Variants in PROCR observed in about 807,000 individuals in gnomAD.
PROCR encodes the protein protein C receptor, also known as endothelial protein C receptor.
Under a neutral mutation model 24.2 loss-of-function variants are expected in PROCR, and 22 were observed. That is an observed-to-expected ratio of 0.91 (90% CI 0.65 to 1.30). PROCR has a LOEUF of 1.30. Ranked by LOEUF, PROCR falls within the 50% of genes most tolerant of loss-of-function variation. The pLI is 0.00. For synonymous variants in PROCR, 137 were observed against 139.2 expected (o/e 0.98, Z 0.11); for missense variants, 288 against 307.7 (o/e 0.94, Z 0.48).
intron 1 of PROCR, among the ~76,000 whole-genome samples, chr20:35,213,882 C>G (rs181488287): frequency 5.4e-4 from 82 of 151,570 alleles, no homozygotes; most frequent in African/African-American, 1.9e-3. Flanking sequence ...CGAGACCAGC[C>G]TGCCCAACAT....
At chr20:35,189,828 G>T (rs1338312194) in intron 1 of PROCR, among the ~76,000 whole-genome samples, 1 of 152,108 alleles carries the variant, frequency 6.6e-6, no homozygotes, top group East Asian at 1.9e-4. Flanking sequence ...TGTATCCTTA[G>T]TATCTACAAC....
downstream of PROCR, among the ~76,000 whole-genome samples, chr20:35,178,329 G>A (rs1416584024): frequency 2.7e-5 from 4 of 146,342 alleles, no homozygotes; most frequent in Non-Finnish European, 6.0e-5. Context: ...ACTTGAACCC[G>A]GGAGGCAGAG....
rs183785044 is a variant in PROCR at position 35,203,439 on chromosome 20, T to A, written c.95-12454T>A. Among the ~76,000 whole-genome samples, 408 of 152,174 alleles carry A rather than the reference T, an allele frequency of 2.7e-3. 2 individuals are homozygous for A. The highest frequency in any genetic ancestry group is 9.4e-3 in the African/African-American group (389 of 41,524). On this transcript the variant is annotated intron_variant, in intron 1 of 1. Coordinates refer to the PROCR transcript ENST00000634509. ...TATAATATAGTATAAACATAACTTT[T>A]ATTTATTATTGTTTTTCTTTTTAGA... is the stretch of plus-strand genomic sequence containing the variant.
At chr20:35,180,445 C>T (rs1210605667), downstream of PROCR, among the ~76,000 whole-genome samples, 6 of 152,032 alleles carry the variant, frequency 3.9e-5, no homozygotes, top group Non-Finnish European at 4.4e-5. Flanking sequence ...TATAAAAGTT[C>T]GGTCATTTTG....
chr20:35,202,845 G>T (rs907678941), intron 1 of PROCR: 1 of 152,134 alleles, frequency 6.6e-6, no homozygotes, highest in Non-Finnish European at 1.5e-5. Context: ...TTATCAACTG[G>T]TTTAATATAA....
At chr20:35,215,439 T>G (rs547518541) in intron 1 of PROCR, among the ~76,000 whole-genome samples, 30 of 152,134 alleles carry the variant, frequency 2.0e-4, no homozygotes, top group Non-Finnish European at 2.9e-5. Context: ...TGAAATCCTA[T>G]AGAATGGTGT....
At chr20:35,194,415 A>G (rs2086198929) in intron 1 of PROCR, among the ~76,000 whole-genome samples, 1 of 152,214 alleles carries the variant, frequency 6.6e-6, no homozygotes, top group African/African-American at 2.4e-5. Context: ...GGGATAATCA[A>G]TAGAGAGGGA....
At chr20:35,201,669 C>A (rs781120926) in intron 1 of PROCR, 3 of 144,394 alleles carry the variant, frequency 2.1e-5, no homozygotes, top group Non-Finnish European at 4.5e-5. Flanking sequence ...GCCTGGGCGG[C>A]AGAGCAAGAT....
In PROCR at chr20:35,214,062, G is replaced by A. The variant is rs536372639; in HGVS notation, c.95-1831G>A. On this transcript the variant is annotated intron_variant, in intron 1 of 1. Transcript: ENST00000634509. The stretch of plus-strand genomic sequence containing the variant: ...TGCACTCCAGCCTGGGTAACAGAGC[G>A]TGACTCCATCTCAAAAAAATAAAAT... Among the ~76,000 whole-genome samples, 250 of 151,806 alleles carry A rather than the reference G, an allele frequency of 1.6e-3. 1 individual carries two copies. The highest frequency in any genetic ancestry group is 2.8e-3 in the Non-Finnish European group (190 of 67,974).
chr20:35,176,997 A>G lies in PROCR; in HGVS notation c.*184A>G. Reference sequence around the variant, plus strand: ...GGGAGATGGAGAGGAGAGGTGGACAAAGTACTTGGTTTGCTAAGAACCTAA... The same window carrying G: ...GGGAGATGGAGAGGAGAGGTGGACAGAGTACTTGGTTTGCTAAGAACCTAA... On this transcript the variant is annotated 3_prime_UTR_variant, in exon 4 of 4. Coordinates refer to ENST00000216968, the MANE Select transcript of PROCR (RefSeq NM_006404.5). 1 of 1,448,374 alleles carries G rather than the reference A, an allele frequency of 6.9e-7. No individual in the cohort carries two copies. Among genetic ancestry groups the G allele is most frequent in the East Asian group, 2.7e-5 (1 of 37,724 alleles). 89.7% of individuals were successfully genotyped at this position (1,448,374 alleles called of 1,614,324 possible).
At chr20:35,212,382 TCTGCTG>T (rs1395941341) in intron 1 of PROCR, among the ~76,000 whole-genome samples, 1 of 152,206 alleles carries the variant, frequency 6.6e-6, no homozygotes, top group Non-Finnish European at 1.5e-5. Context: ...GTTTTAATGT[TCTGCTG>T]TCATCATTTT....
downstream of PROCR, among the ~76,000 whole-genome samples, chr20:35,179,190 G>A (rs1331268531): frequency 3.8e-5 from 5 of 132,784 alleles, no homozygotes; most frequent in Non-Finnish European, 4.6e-5. Flanking sequence ...CCGAGATCAC[G>A]CCACTGCACT....
intron 1 of PROCR, among the ~76,000 whole-genome samples, chr20:35,185,240 C>T (rs939214353): frequency 3.3e-5 from 5 of 152,108 alleles, no homozygotes; most frequent in Middle Eastern, 3.4e-3. Flanking sequence ...TAATAGTAGA[C>T]GTTGACGTGG....
chr20:35,207,887 T>A (rs1453925691), intron 1 of PROCR, among the ~76,000 whole-genome samples: 1 of 150,184 alleles, frequency 6.7e-6, no homozygotes, highest in East Asian at 2.0e-4. Flanking sequence ...CCACAAAACC[T>A]AAACTTTATT....
At chr20:35,186,657 T>C (rs540376458) in intron 1 of PROCR, among the ~76,000 whole-genome samples, 146 of 148,188 alleles carry the variant, frequency 9.9e-4, no homozygotes, top group African/African-American at 3.6e-3. Flanking sequence ...ACATCCAGAA[T>C]AGGCAATCTG....
At chr20:35,205,356 C>A (rs6088764) in intron 1 of PROCR, among the ~76,000 whole-genome samples, 56,332 of 149,478 alleles carry the variant, frequency 0.38, 12,162 homozygotes, top group African/African-American at 0.59. Context: ...ATAATCCTAA[C>A]TGATGAAGAA....
downstream of PROCR, among the ~76,000 whole-genome samples, chr20:35,179,102 G>T (rs111308605): frequency 2.0e-5 from 3 of 150,846 alleles, no homozygotes; most frequent in Non-Finnish European, 4.4e-5. Flanking sequence ...GCATGGTTGC[G>T]GGCGCCTGTA....
intron 1 of PROCR, among the ~76,000 whole-genome samples, chr20:35,215,497 C>CTT (rs80325545): frequency 4.9e-5 from 7 of 143,576 alleles, no homozygotes; most frequent in African/African-American, 1.8e-4. Context: ...CAAGTCTTAT[C>CTT]TTTTTTTTTT....
At chr20:35,195,845 AAAAGAAAG>A (rs763109561) in intron 1 of PROCR, among the ~76,000 whole-genome samples, 1 of 150,842 alleles carries the variant, frequency 6.6e-6, no homozygotes, top group Non-Finnish European at 1.5e-5. Context: ...AAAGAAAAAG[AAAAGAAAG>A]AAAGAAAGAA....
Sources: gnomAD v4.1 joint callset for allele counts (sites outside exome capture counted in the v4.1 genomes callset) on GRCh38, gnomAD v4.1.1 for gene constraint, MANE v1.5 for transcripts, NCBI Gene and HGNC (gene_info 2026-07-23, HGNC 2026-07-21) for gene names.